The following GRIA4 variants were observed in gnomAD, a reference collection of about 807,000 sequenced individuals.
GRIA4 encodes glutamate receptor 4.
Under a neutral mutation model 104.0 loss-of-function variants are expected in GRIA4, and 34 were observed. The ratio of observed to expected loss-of-function variants is 0.33; its 90% CI spans 0.25 to 0.44. The LOEUF is 0.44. Among genes scored for constraint, GRIA4 ranks in the 20% least tolerant of loss-of-function variants. The pLI, the probability that GRIA4 is intolerant of heterozygous loss-of-function variation, is 1.00. For missense variants in GRIA4, 750 were observed against 1,096.5 expected (o/e 0.68, Z 4.46); for synonymous variants, 386 against 381.9 (o/e 1.01, Z -0.13).
chr11:105,672,896 C>T (rs1431051134), intron 3 of GRIA4, among the ~76,000 whole-genome samples: 2 of 152,014 alleles, frequency 1.3e-5, no homozygotes, highest in African/African-American at 4.8e-5. Context: ...TTATTAAATG[C>T]AGGTATTCAT....
At chr11:105,813,966 G>A (rs568540123) in intron 4 of GRIA4, among the ~76,000 whole-genome samples, 16 of 152,204 alleles carry the variant, frequency 1.1e-4, no homozygotes, top group African/African-American at 3.6e-4. Flanking sequence ...GCTAAGATCC[G>A]AATAGAAGAG....
At chr11:105,934,199 G>A (rs1475810795) in intron 14 of GRIA4, among the ~76,000 whole-genome samples, 1 of 151,896 alleles carries the variant, frequency 6.6e-6, no homozygotes, top group East Asian at 1.9e-4. Flanking sequence ...AACCAAACTG[G>A]TTGAACACTA....
chr11:105,832,075 G>A (rs996928728), intron 4 of GRIA4, among the ~76,000 whole-genome samples: 10 of 151,912 alleles, frequency 6.6e-5, no homozygotes, highest in African/African-American at 1.9e-4. Flanking sequence ...CAGTAAGGCC[G>A]GGGAATCAAT....
intron 3 of GRIA4, among the ~76,000 whole-genome samples, chr11:105,619,235 G>A (rs542270384): frequency 2.6e-5 from 4 of 151,974 alleles, no homozygotes; most frequent in Admixed American, 6.6e-5. Flanking sequence ...GGCAAGTTAC[G>A]TAACACTTCT....
intron 4 of GRIA4, among the ~76,000 whole-genome samples, chr11:105,798,401 A>G (rs529801477): frequency 1.3e-5 from 2 of 152,240 alleles, no homozygotes; most frequent in East Asian, 3.9e-4. Flanking sequence ...GCTTCTTTAC[A>G]GTGTTTCAGG....
chr11:105,799,087 G>A (rs1942609816), intron 4 of GRIA4, among the ~76,000 whole-genome samples: 1 of 152,130 alleles, frequency 6.6e-6, no homozygotes, highest in African/African-American at 2.4e-5. Context: ...TGGTTGAGAT[G>A]AAAAGGAACC....
chr11:105,636,517 AT>A (rs1395428907), intron 3 of GRIA4, among the ~76,000 whole-genome samples: 1 of 152,164 alleles, frequency 6.6e-6, no homozygotes, highest in African/African-American at 2.4e-5. Flanking sequence ...CTCCATAGAC[AT>A]AATCACCCAA....
intron 4 of GRIA4, among the ~76,000 whole-genome samples, chr11:105,847,873 T>C (rs1472592150): frequency 2.6e-5 from 4 of 152,210 alleles, no homozygotes; most frequent in African/African-American, 7.2e-5. Flanking sequence ...GATGGCCCTA[T>C]AGAATATTTG....
chr11:105,877,591 G>A (rs1945878995), intron 5 of GRIA4, among the ~76,000 whole-genome samples: 1 of 152,050 alleles, frequency 6.6e-6, no homozygotes, highest in East Asian at 1.9e-4. Context: ...ATATTTCTTG[G>A]ACGCTTTTTC....
At chr11:105,977,407 A>G (rs645905) in intron 16 of GRIA4, among the ~76,000 whole-genome samples, 85,242 of 151,610 alleles carry the variant, frequency 0.56, 23,983 homozygotes, top group South Asian at 0.62. Context: ...AGATGGGCTA[A>G]TACATTGGTT....
At chr11:105,964,375 T>A (rs1235186967) in intron 14 of GRIA4, among the ~76,000 whole-genome samples, 1 of 152,202 alleles carries the variant, frequency 6.6e-6, no homozygotes, top group Non-Finnish European at 1.5e-5. Flanking sequence ...GTGGATCAGA[T>A]CATCACAAAA....
chr11:105,842,547 T>C (rs993255834), intron 4 of GRIA4, among the ~76,000 whole-genome samples: 6 of 152,294 alleles, frequency 3.9e-5, no homozygotes, highest in African/African-American at 1.4e-4. Flanking sequence ...ACTGACAAGA[T>C]TAAATGGTAC....
At chr11:105,792,542 T>C (rs895954931) in intron 4 of GRIA4, among the ~76,000 whole-genome samples, 4 of 152,158 alleles carry the variant, frequency 2.6e-5, no homozygotes, top group African/African-American at 7.2e-5. Context: ...ATAACTTTGA[T>C]ACATGTTCCA....
At chr11:105,811,286 T>G (rs1343354978) in intron 4 of GRIA4, among the ~76,000 whole-genome samples, 1 of 152,148 alleles carries the variant, frequency 6.6e-6, no homozygotes, top group Admixed American at 6.5e-5. Flanking sequence ...TCTTAGACTA[T>G]AGAAGAGATA....
intron 3 of GRIA4, among the ~76,000 whole-genome samples, chr11:105,632,955 G>T (rs550771960): frequency 6.6e-6 from 1 of 152,158 alleles, no homozygotes; most frequent in Non-Finnish European, 1.5e-5. Flanking sequence ...GGAGGTGAGA[G>T]AAAAGGGGTC....
chr11:105,678,151 G>A (rs1822985), intron 3 of GRIA4, among the ~76,000 whole-genome samples: 70,468 of 151,770 alleles, frequency 0.46, 16,441 homozygotes, highest in East Asian at 0.57. Flanking sequence ...TAAAAAGATT[G>A]TACTATATGT....
At chr11:105,807,360 T>C (rs1030862403) in intron 4 of GRIA4, among the ~76,000 whole-genome samples, 36 of 151,882 alleles carry the variant, frequency 2.4e-4, no homozygotes, top group African/African-American at 8.7e-4. Flanking sequence ...TCTTTTATGA[T>C]GAGATATCAA....
chr11:105,849,018 C>T (rs929152420), intron 4 of GRIA4, among the ~76,000 whole-genome samples: 6 of 152,016 alleles, frequency 3.9e-5, no homozygotes, highest in African/African-American at 1.2e-4. Flanking sequence ...GGCGACAACC[C>T]GTCTCTACTA....
chr11:105,810,975 G>C (rs1943149145), intron 4 of GRIA4, among the ~76,000 whole-genome samples: 1 of 152,128 alleles, frequency 6.6e-6, no homozygotes, highest in Non-Finnish European at 1.5e-5. Flanking sequence ...TTCTGAAGCT[G>C]TCTAGCATGT....
Sources: gnomAD v4.1 joint callset for allele counts (sites outside exome capture counted in the v4.1 genomes callset) on GRCh38, gnomAD v4.1.1 for gene constraint, MANE v1.5 for transcripts, NCBI Gene and HGNC (gene_info 2026-07-23, HGNC 2026-07-21) for gene names.